The following SLC25A38 variants were observed in gnomAD, a reference collection of about 807,000 sequenced individuals.
SLC25A38 encodes solute carrier family 25 member 38.
SLC25A38 carries 27 observed loss-of-function variants against 33.4 expected under a neutral mutation model. The observed-to-expected ratio is 0.81, with a 90% CI of 0.60 to 1.11. The LOEUF is 1.11. SLC25A38 is among the 50% of genes most tolerant of loss of function. SLC25A38 has a pLI of 0.00. For missense variants in SLC25A38, 344 were observed against 388.8 expected (o/e 0.88, Z 0.97); for synonymous variants, 123 against 145.9 (o/e 0.84, Z 1.13).
At chr3:39,384,892 C>T (rs995594808) in intron 1 of SLC25A38, among the ~76,000 whole-genome samples, 2 of 151,158 alleles carry the variant, frequency 1.3e-5, no homozygotes, top group Admixed American at 6.6e-5. Flanking sequence ...ACCTCTGACT[C>T]CCGGGTTCAA....
At chr3:39,394,979 CA>C (rs2041811866) in intron 6 of SLC25A38, among the ~76,000 whole-genome samples, 1 of 151,506 alleles carries the variant, frequency 6.6e-6, no homozygotes, top group Admixed American at 6.6e-5. Flanking sequence ...AAAACCCACA[CA>C]AACACATTGT....
chr3:39,388,760 T>A (rs1460245953), intron 1 of SLC25A38, among the ~76,000 whole-genome samples: 1 of 152,202 alleles, frequency 6.6e-6, no homozygotes, highest in South Asian at 2.1e-4. Context: ...AAGGATGCTG[T>A]CCTGTAATGA....
chr3:39,386,410 G>A (rs572371377), intron 1 of SLC25A38, among the ~76,000 whole-genome samples: 7 of 151,924 alleles, frequency 4.6e-5, no homozygotes, highest in East Asian at 1.9e-4. Flanking sequence ...GCGAAACCCC[G>A]TCTCTACAAA....
chr3:39,383,645 T>C lies in SLC25A38; in HGVS notation c.-80T>C. On this transcript the variant is annotated 5_prime_UTR_variant, in exon 1 of 7. Transcript: ENST00000650617. ...GCCTGGCTAGCGCCACCCCCTAGCC[T>C]TCTTCAAGGCCTCCAGGGCTGGGCC... 6.4e-7 allele frequency: 1 copy of C among 1,554,836 alleles called. No individual in the cohort carries two copies. Among genetic ancestry groups the C allele is most frequent in the Non-Finnish European group, 8.9e-7 (1 of 1,128,416 alleles).
chr3:39,396,269 C>A, intron 6 of SLC25A38, 129 bp from the exon 7 acceptor site: 1 of 1,461,830 alleles, frequency 6.8e-7, no homozygotes, highest in Non-Finnish European at 9.5e-7. Context: ...ATTATTCTTA[C>A]TTTGGGCATA....
chr3:39,394,797 T>C (rs746340072), intron 6 of SLC25A38, among the ~76,000 whole-genome samples: 1 of 152,182 alleles, frequency 6.6e-6, no homozygotes, highest in Non-Finnish European at 1.5e-5. Flanking sequence ...AACCACAAAA[T>C]TGATATTTCT....
Position 39,385,354 on chromosome 3 carries a change from C to T in SLC25A38, c.69+1561C>T, listed in dbSNP as rs558122748. On this transcript the variant is annotated intron_variant, in intron 1 of 6. Coordinates refer to ENST00000650617, the MANE Select transcript of SLC25A38 (RefSeq NM_017875.4). Reference sequence around the variant, plus strand: ...CTTGAGCCAATAACATGTCTAATCACTGTGCTGTGAAATAAAAGACGTTAA... The same window carrying T: ...CTTGAGCCAATAACATGTCTAATCATTGTGCTGTGAAATAAAAGACGTTAA... Among the ~76,000 whole-genome samples the T allele has an allele frequency of 1.2e-4, 18 of 152,260 alleles. No homozygotes were observed. In the East Asian group the frequency reaches 1.9e-3, roughly 16 times the overall value.
At chr3:39,384,255 C>T (rs1270883269) in intron 1 of SLC25A38, among the ~76,000 whole-genome samples, 1 of 152,220 alleles carries the variant, frequency 6.6e-6, no homozygotes, top group Non-Finnish European at 1.5e-5. Context: ...AGGGGCCAGT[C>T]GTGGCGGCAC....
chr3:39,389,845 T>TTA lies in SLC25A38; in HGVS notation c.191+231_191+232dup, dbSNP rs1483246641. On this transcript the variant is annotated intron_variant, in intron 2 of 6. Transcript: ENST00000650617. The surrounding 1 kb of genome is among the most constrained non-coding windows in gnomAD (Gnocchi z 4.5). ...GAATCGGCTCAGTGACATTTACACTTTATTGTGTTAGCTTGTGATGTTATA... is the reference window on the plus strand; with the variant it reads ...GAATCGGCTCAGTGACATTTACACTTTATATTGTGTTAGCTTGTGATGTTATA... 2.6e-5 allele frequency among the ~76,000 whole-genome samples: 4 copies of TTA among 152,192 alleles called. No individual in the cohort carries two copies. The highest frequency in any genetic ancestry group is 5.9e-5 in the Non-Finnish European group (4 of 68,040).
At chr3:39,384,142 G>T (rs1164986644) in intron 1 of SLC25A38, among the ~76,000 whole-genome samples, 1 of 152,222 alleles carries the variant, frequency 6.6e-6, no homozygotes, top group Non-Finnish European at 1.5e-5. Context: ...GCAGATTTGG[G>T]ACGGTCACAA....
intron 1 of SLC25A38, among the ~76,000 whole-genome samples, chr3:39,388,768 T>A (rs1041915953): frequency 7.9e-5 from 12 of 152,176 alleles, no homozygotes; most frequent in Admixed American, 3.9e-4. Flanking sequence ...TGTCCTGTAA[T>A]GATAGCACCA....
intron 1 of SLC25A38, among the ~76,000 whole-genome samples, chr3:39,388,986 A>G (rs2041732917): frequency 6.6e-6 from 1 of 152,172 alleles, no homozygotes; most frequent in African/African-American, 2.4e-5. Flanking sequence ...AAAGTTTTAA[A>G]TGAAGGAAAT....
chr3:39,385,041 A>G (rs2041695056), intron 1 of SLC25A38, among the ~76,000 whole-genome samples: 1 of 152,024 alleles, frequency 6.6e-6, no homozygotes, highest in South Asian at 2.1e-4. Flanking sequence ...ACCTCAAGTG[A>G]TCCGTCTGCC....
chr3:39,393,674 T>G (rs1056630552), intron 5 of SLC25A38, among the ~76,000 whole-genome samples: 6 of 152,140 alleles, frequency 3.9e-5, no homozygotes, highest in African/African-American at 1.4e-4. Flanking sequence ...TAATTTTGTA[T>G]TTTTAGTAGA....
At position 39,394,674 on chromosome 3, in the gene SLC25A38, A is replaced by C. The variant is rs78965445; in HGVS notation, c.792+98A>C. On this transcript the variant is annotated intron_variant, in intron 6 of 6. Coordinates refer to ENST00000650617, the MANE Select transcript of SLC25A38 (RefSeq NM_017875.4). ...TCACTCACATTAAAATTGCCTAGAG[A>C]GCTTTTAAAAATCCCCATGCCCAGG... The C allele has an allele frequency of 4.0e-3, 5,771 of 1,438,492 alleles. 206 individuals carry two copies. In the African/African-American group the frequency reaches 0.073, roughly 18 times the overall value. The allele number at this position is 1,438,492 out of a possible 1,614,324, so 89.1% of individuals were successfully genotyped here.
At chr3:39,396,320 C>G (rs894878860) in intron 6 of SLC25A38, 78 bp from the exon 7 acceptor site, 32 of 1,587,636 alleles carry the variant, frequency 2.0e-5, no homozygotes, top group Non-Finnish European at 2.5e-5. Context: ...TAACAGAGAC[C>G]CTCACTGTGG....
rs148227116 is a variant in SLC25A38 at position 39,391,347 on chromosome 3, C to T, written c.277-94C>T. On this transcript the variant is annotated intron_variant, in intron 3 of 6. Coordinates refer to ENST00000650617, the MANE Select transcript of SLC25A38 (RefSeq NM_017875.4). ...ACACCTTAAACAAAGCACTTGCATGCGAATCATCTTGGGGTCTTTTGGGAA... is the reference window on the plus strand; with the variant it reads ...ACACCTTAAACAAAGCACTTGCATGTGAATCATCTTGGGGTCTTTTGGGAA... 5.8e-4 allele frequency: 903 copies of T among 1,559,836 alleles called. 3 individuals carry two copies. Among genetic ancestry groups the T allele is most frequent in the South Asian group, 8.0e-4 (71 of 89,222 alleles).
chr3:39,389,530 C>T lies in SLC25A38; in HGVS notation c.105C>T (p.Ser35=). The T allele has an allele frequency of 6.2e-7, 1 of 1,614,180 alleles. No homozygotes were observed. The highest frequency in any genetic ancestry group is 8.5e-7 in the Non-Finnish European group (1 of 1,180,042). ...HPVIKAFLCG[S]ISGTCSTLLF... ...TGATCAAGGCTTTCCTGTGTGGCTC[C>T]ATCAGTGGGACCTGCTCTACCCTCC... The change falls in exon 2 of 7, where the codon TCC becomes TCT. Residue 35 remains serine (S), a synonymous_variant. Transcript: ENST00000650617. The surrounding 1 kb of genome is among the most constrained non-coding windows in gnomAD (Gnocchi z 4.5).
intron 2 of SLC25A38, 72 bp from the exon 3 acceptor site, chr3:39,390,351 G>A: frequency 2.0e-6 from 3 of 1,465,512 alleles, no homozygotes; most frequent in South Asian, 1.1e-5. Flanking sequence ...AAGTGTTTGA[G>A]TGGGGAATTG....
Sources: allele counts gnomAD v4.1 joint callset (sites outside exome capture counted in the v4.1 genomes callset), GRCh38; gene constraint gnomAD v4.1.1; non-coding constraint Gnocchi (gnomAD v3.1); transcripts MANE v1.5; gene names NCBI Gene and HGNC (gene_info 2026-07-23, HGNC 2026-07-21).